DOK7: variants seen among roughly 807,000 people sequenced by gnomAD.
DOK7 encodes docking protein 7, also known as protein Dok-7.
Under a neutral mutation model 30.7 loss-of-function variants are expected in DOK7, and 32 were observed. That is an observed-to-expected ratio of 1.04 (90% confidence interval 0.79 to 1.40). DOK7 has a LOEUF of 1.40. Among genes scored for constraint, DOK7 ranks in the 40% most tolerant of loss-of-function variants. The pLI is 0.00. For missense variants in DOK7, 1,007 were observed against 699.2 expected (o/e 1.44, Z -4.97); for synonymous variants, 447 against 324.1 (o/e 1.38, Z -4.07).
chr4:3,491,034 CCCCCATTCCTTCCT>C (rs1277463824), intron 6 of DOK7, among the ~76,000 whole-genome samples: 2 of 69,622 alleles, frequency 2.9e-5, no homozygotes, highest in Non-Finnish European at 5.5e-5. Context: ...CCTTCCTTCC[CCCCCATTCCTTCCT>C]TTCTTTTCCC....
At chr4:3,499,672 AGG>A (rs143200442) in intron 6 of DOK7, among the ~76,000 whole-genome samples, 5,254 of 140,358 alleles carry the variant, frequency 0.037, 407 homozygotes, top group East Asian at 0.26. Flanking sequence ...AGCTCCTATG[AGG>A]GGGGAGAGGG....
rs16844425 is a variant in DOK7, at chr4:3,485,917, C to G, written c.652+259C>G. Among the ~76,000 whole-genome samples, 12,323 of 152,310 alleles carry G rather than the reference C, an allele frequency of 0.081. 857 individuals are homozygous for G. Among genetic ancestry groups the G allele is most frequent in the African/African-American group, 0.19 (7,756 of 41,562 alleles). On this transcript the variant is annotated intron_variant, in intron 5 of 6. Transcript: ENST00000340083. ...GGGTCCGAGCTGTTGGAACGCTTGGCCCTAGAGCTTTCTGGCTGGGACAGT... is the reference window on the plus strand; with the variant it reads ...GGGTCCGAGCTGTTGGAACGCTTGGGCCTAGAGCTTTCTGGCTGGGACAGT...
In DOK7 at chr4:3,493,571, C is replaced by T. The variant is rs570252737; in HGVS notation, c.*70C>T. On this transcript the variant is annotated 3_prime_UTR_variant, in exon 7 of 7. Coordinates refer to ENST00000340083, the MANE Select transcript of DOK7 (RefSeq NM_173660.5). ...CCCCAGATGGCAGAGGAAGTGGCGC[C>T]AGCCTCCTTGCAGACTGGTGCTCTG... The T allele has an allele frequency of 7.0e-6, 11 of 1,568,978 alleles. No homozygotes were observed. In the African/African-American group the frequency reaches 1.4e-4, roughly 19 times the overall value.
chr4:3,494,347 C>T lies in DOK7; in HGVS notation c.*846C>T, dbSNP rs553563152. On this transcript the variant is annotated 3_prime_UTR_variant, in exon 7 of 7. Coordinates refer to ENST00000340083, the MANE Select transcript of DOK7 (RefSeq NM_173660.5). ...ATTGTCCCCCGCCCTGGGTGGCTTC[C>T]TCTTGCACAGCCTGGAGCCTGCCCT... 6.1e-6 allele frequency: 6 copies of T among 985,844 alleles called. No homozygotes were observed. The South Asian group carries it at 2.3e-4, about 39-fold the overall frequency. 61.1% of individuals were successfully genotyped at this position (985,844 alleles called of 1,614,324 possible). A position where few individuals can be genotyped will look rare whatever the true frequency, so the allele number is the denominator to read the frequency against.
At position 3,492,940 on chromosome 4, in the gene DOK7, C is replaced by A. The variant is rs778350444; in HGVS notation, c.954C>A (p.Pro318=). 6.4e-7 allele frequency: 1 copy of A among 1,556,394 alleles called. No homozygotes were observed. Among genetic ancestry groups the A allele is most frequent in the Non-Finnish European group, 8.7e-7 (1 of 1,153,690 alleles). ...CCATGGTGGGTGCCTCAAGGCCACC[C>A]CCCAAGCCGCTGCGTCCGCGGCAGC... The part of the protein sequence containing the change: ...GEAMVGASRP[P]PKPLRPRQLQ... The change falls in exon 7 of 7, where the codon CCC becomes CCA. Residue 318 remains proline (P), a synonymous_variant. Coordinates refer to ENST00000340083, the MANE Select transcript of DOK7 (RefSeq NM_173660.5).
At chr4:3,484,835 TG>T (rs1727663435) in intron 4 of DOK7, 1 of 985,322 alleles carries the variant, frequency 1.0e-6, no homozygotes, top group Non-Finnish European at 1.2e-6. Context: ...CTGCAGCATG[TG>T]TGGGCAGGTG....
chr4:3,489,996 C>CTCAT (rs1728101270), intron 6 of DOK7, among the ~76,000 whole-genome samples, 200 bp downstream of exon 6: 1 of 142,420 alleles, frequency 7.0e-6, no homozygotes, highest in African/African-American at 2.5e-5. Context: ...CACCACCCTG[C>CTCAT]TCATTCCTTC....
At position 3,473,694 on chromosome 4, in the gene DOK7, C is replaced by G. The variant is rs866791808; in HGVS notation, c.331+58C>G. 52 of 1,466,018 alleles carry G rather than the reference C, an allele frequency of 3.5e-5. 1 individual carries two copies. The South Asian group carries it at 6.0e-4, about 17-fold the overall frequency. The allele number at this position is 1,466,018 out of a possible 1,614,324, so 90.8% of individuals were successfully genotyped here. A position where few individuals can be genotyped will look rare whatever the true frequency, so the allele number is the denominator to read the frequency against. On this transcript the variant is annotated intron_variant, in intron 3 of 6. Coordinates refer to ENST00000340083, the MANE Select transcript of DOK7 (RefSeq NM_173660.5). ...TCCCCGTTCAGGTGTGCCGGGGCCC[C>G]TCACCAACGTGGGCTGCAGAGGTGG...
intron 4 of DOK7, 100 bp downstream of exon 4, chr4:3,476,642 C>T: frequency 6.7e-7 from 1 of 1,494,284 alleles, no homozygotes; most frequent in Non-Finnish European, 9.3e-7. Context: ...GCAGGCTGGC[C>T]TGCTGGCATT....
intron 6 of DOK7, among the ~76,000 whole-genome samples, chr4:3,490,816 CAT>C (rs1728316935): frequency 1.7e-5 from 1 of 57,596 alleles, no homozygotes; most frequent in African/African-American, 8.2e-5. Flanking sequence ...CCCGCTCATT[CAT>C]TCCTGCCTTC....
intron 6 of DOK7, among the ~76,000 whole-genome samples, chr4:3,491,836 G>C (rs1211614406): frequency 6.6e-6 from 1 of 152,250 alleles, no homozygotes; most frequent in Non-Finnish European, 1.5e-5. Context: ...GGGGCTGGCA[G>C]AGCAGGAGGG....
At chr4:3,489,905 C>T in intron 6 of DOK7, 109 bp downstream of exon 6, 1 of 1,464,216 alleles carries the variant, frequency 6.8e-7, no homozygotes, top group Non-Finnish European at 9.2e-7. Context: ...TCTGCTCATT[C>T]ATTCATTCCT....
downstream of DOK7, among the ~76,000 whole-genome samples, chr4:3,497,753 GC>G (rs1728994323): frequency 6.6e-6 from 1 of 152,042 alleles, no homozygotes; most frequent in African/African-American, 2.4e-5. Flanking sequence ...TGGGGGCGGA[GC>G]CACAGGCAGG....
chr4:3,493,643 G>A lies in DOK7; in HGVS notation c.*142G>A. 2 of 1,467,214 alleles carry A rather than the reference G, an allele frequency of 1.4e-6. No homozygotes were observed. The highest frequency in any genetic ancestry group is 9.0e-7 in the Non-Finnish European group (1 of 1,107,748). 90.9% of individuals were successfully genotyped at this position (1,467,214 alleles called of 1,614,324 possible). A position where few individuals can be genotyped will look rare whatever the true frequency, so the allele number is the denominator to read the frequency against. On this transcript the variant is annotated 3_prime_UTR_variant, in exon 7 of 7. Coordinates refer to ENST00000340083, the MANE Select transcript of DOK7 (RefSeq NM_173660.5). Reference sequence around the variant, plus strand: ...GGTCTCCCGGAGAGGGGAGCTGGAGGGCGCGCCCTGTGGCTGCCACCGGAG... The same window carrying A: ...GGTCTCCCGGAGAGGGGAGCTGGAGAGCGCGCCCTGTGGCTGCCACCGGAG...
At chr4:3,467,157 G>A (rs995748257) in intron 2 of DOK7, among the ~76,000 whole-genome samples, 2 of 151,888 alleles carry the variant, frequency 1.3e-5, no homozygotes, top group South Asian at 2.1e-4. Context: ...CCACTTCTGC[G>A]GACTCCCATC....
chr4:3,466,690 C>A (rs187376855), intron 2 of DOK7, among the ~76,000 whole-genome samples: 2 of 152,316 alleles, frequency 1.3e-5, no homozygotes, highest in African/African-American at 2.4e-5. Flanking sequence ...CATGTGGGAG[C>A]AGTGACCTGG....
Position 3,493,609 on chromosome 4 carries a change from G to A in DOK7, c.*108G>A, listed in dbSNP as rs2109424052. 7 of 1,510,760 alleles carry A rather than the reference G, an allele frequency of 4.6e-6. No individual in the cohort carries two copies. Among genetic ancestry groups the A allele is most frequent in the South Asian group, 1.3e-5 (1 of 78,896 alleles). 93.6% of individuals were successfully genotyped at this position (1,510,760 alleles called of 1,614,324 possible). On this transcript the variant is annotated 3_prime_UTR_variant, in exon 7 of 7. Transcript: ENST00000340083. ...GACTGGTGCTCTGTGTTCTGTGGGA[G>A]GGACCGGGGGTCTCCCGGAGAGGGG...
At chr4:3,476,587 CA>C (rs1727107758) in intron 4 of DOK7, 45 bp downstream of exon 4, 1 of 1,610,884 alleles carries the variant, frequency 6.2e-7, no homozygotes, top group Non-Finnish European at 8.5e-7. Context: ...CAGCACCCCC[CA>C]CTTCCCCTGA....
chr4:3,493,665 G>T lies in DOK7; in HGVS notation c.*164G>T. The T allele has an allele frequency of 1.4e-6, 2 of 1,454,312 alleles. No individual in the cohort carries two copies. The highest frequency in any genetic ancestry group is 1.8e-6 in the Non-Finnish European group (2 of 1,103,008). 90.1% of individuals were successfully genotyped at this position (1,454,312 alleles called of 1,614,324 possible). On this transcript the variant is annotated 3_prime_UTR_variant, in exon 7 of 7. Transcript: ENST00000340083. ...GAGGGCGCGCCCTGTGGCTGCCACC[G>T]GAGGAAGGGGCTGACTTGGGGAGGT...
Sources: gnomAD v4.1 joint callset for allele counts (sites outside exome capture counted in the v4.1 genomes callset) on GRCh38, gnomAD v4.1.1 for gene constraint, MANE v1.5 for transcripts, NCBI Gene and HGNC (gene_info 2026-07-23, HGNC 2026-07-21) for gene names.